SNX25: variants seen among roughly 807,000 people sequenced by gnomAD.
SNX25 encodes the protein sorting nexin 25, also known as sorting nexin-25.
Under a neutral mutation model 113.7 loss-of-function variants are expected in SNX25, and 62 were observed. That is an observed-to-expected ratio of 0.55 (90% CI 0.44 to 0.67). The LOEUF (loss-of-function observed/expected upper bound fraction) is 0.67. SNX25 is among the 30% of genes least tolerant of loss of function. The probability of loss-of-function intolerance (pLI) is 0.00; values close to 1 mark genes in which losing one functional copy is unlikely to be tolerated. For synonymous variants in SNX25, 421 were observed against 436.2 expected (o/e 0.97, Z 0.43); for missense variants, 1,014 against 1,161.0 (o/e 0.87, Z 1.84).
At chr4:185,321,511 C>T (rs765168119) in intron 8 of SNX25, among the ~76,000 whole-genome samples, 4 of 152,078 alleles carry the variant, frequency 2.6e-5, no homozygotes, top group Non-Finnish European at 5.9e-5. Flanking sequence ...GATCTGTCCA[C>T]GTGGGCCTCC....
chr4:185,368,330 C>T (rs1228858972), downstream of SNX25, among the ~76,000 whole-genome samples: 4 of 152,274 alleles, frequency 2.6e-5, no homozygotes, highest in African/African-American at 4.8e-5. Flanking sequence ...GTGGCAGAGC[C>T]GAGAGCAGGC....
chr4:185,246,117 C>T (rs2126481884), intron 1 of SNX25, among the ~76,000 whole-genome samples: 1 of 152,234 alleles, frequency 6.6e-6, no homozygotes, highest in East Asian at 1.9e-4. Context: ...AAAAACCCAT[C>T]TCTACTAGAA....
chr4:185,329,664 C>T (rs1314419522), intron 9 of SNX25, among the ~76,000 whole-genome samples: 1 of 151,394 alleles, frequency 6.6e-6, no homozygotes, highest in Non-Finnish European at 1.5e-5. Flanking sequence ...ATTGGAGCCG[C>T]ATGAGGAAGA....
chr4:185,217,079 T>C (rs1212351533), intron 1 of SNX25, among the ~76,000 whole-genome samples: 1 of 152,164 alleles, frequency 6.6e-6, no homozygotes, highest in Non-Finnish European at 1.5e-5. Context: ...CCAGGAGTGA[T>C]AGCATCAGAG....
rs58762122 is a variant in SNX25 at position 185,300,840 on chromosome 4, G to GACACACACACACACACACACAC, written c.1163-9781_1163-9760dup. On this transcript the variant is annotated intron_variant, in intron 6 of 18. Transcript: ENST00000652585. ...ATGCCTGTGGTATTATGATTATTAT[G>GACACACACACACACACACACAC]ACACACACACACACACACACACACA... 3.2e-3 allele frequency among the ~76,000 whole-genome samples: 445 copies of GACACACACACACACACACACAC among 140,768 alleles called. 6 individuals carry two copies. Among genetic ancestry groups the GACACACACACACACACACACAC allele is most frequent in the Admixed American group, 0.015 (203 of 13,762 alleles). 92.3% of individuals were successfully genotyped at this position (140,768 alleles called of 152,430 possible).
intron 13 of SNX25, among the ~76,000 whole-genome samples, chr4:185,349,631 A>G (rs1018644978): frequency 1.3e-5 from 2 of 151,368 alleles, no homozygotes; most frequent in African/African-American, 2.4e-5. Context: ...ATATTTCCCT[A>G]TTCATGAGGT....
intron 6 of SNX25, among the ~76,000 whole-genome samples, chr4:185,298,518 A>G (rs1725720169): frequency 1.3e-5 from 2 of 152,074 alleles, no homozygotes; most frequent in Middle Eastern, 3.2e-3. Context: ...TTTGTATTTA[A>G]AACTCATCAT....
At chr4:185,249,584 T>G (rs906038841) in intron 2 of SNX25, among the ~76,000 whole-genome samples, 29 of 152,142 alleles carry the variant, frequency 1.9e-4, no homozygotes, top group African/African-American at 4.8e-5. Flanking sequence ...TATCTTTGAG[T>G]GGATGTTTTC....
intron 1 of SNX25, among the ~76,000 whole-genome samples, chr4:185,215,624 A>G (rs1560893637): frequency 6.6e-6 from 1 of 152,162 alleles, no homozygotes; most frequent in African/African-American, 2.4e-5. Context: ...CAGTCATTTG[A>G]TAATGGATAA....
chr4:185,360,430 A>G (rs1422503819), intron 16 of SNX25, among the ~76,000 whole-genome samples: 3 of 152,212 alleles, frequency 2.0e-5, no homozygotes, highest in African/African-American at 7.2e-5. Flanking sequence ...TTGTCCATTT[A>G]AAATTCTGGT....
At chr4:185,358,916 A>G (rs1036123740) in intron 16 of SNX25, among the ~76,000 whole-genome samples, 3 of 152,242 alleles carry the variant, frequency 2.0e-5, no homozygotes, top group African/African-American at 7.2e-5. Flanking sequence ...CAAGATTAGT[A>G]TAATAGTTTT....
intron 6 of SNX25, among the ~76,000 whole-genome samples, chr4:185,293,837 T>C (rs960695148): frequency 1.3e-5 from 2 of 152,122 alleles, no homozygotes; most frequent in Non-Finnish European, 1.5e-5. Flanking sequence ...ATTGCAGCAC[T>C]AACAGAGTTA....
chr4:185,322,991 T>C (rs139096817), intron 8 of SNX25, among the ~76,000 whole-genome samples: 1 of 152,330 alleles, frequency 6.6e-6, no homozygotes, highest in East Asian at 1.9e-4. Context: ...TTTGCATTTC[T>C]GAAGTAGGCT....
chr4:185,258,822 C>G, intron 2 of SNX25, 26 bp from the exon 3 acceptor site: 1 of 1,572,924 alleles, frequency 6.4e-7, no homozygotes, highest in Non-Finnish European at 8.7e-7. Flanking sequence ...ATTTGTTTTA[C>G]TCATTGCTTT....
chr4:185,297,190 C>A (rs1752955399), intron 6 of SNX25, among the ~76,000 whole-genome samples: 1 of 152,190 alleles, frequency 6.6e-6, no homozygotes, highest in Non-Finnish European at 1.5e-5. Flanking sequence ...CTACATGTTA[C>A]TATTTAAATT....
chr4:185,208,737 AAAAG>A (rs141395764), upstream of SNX25, among the ~76,000 whole-genome samples: 16,409 of 151,980 alleles, frequency 0.11, 955 homozygotes, highest in Non-Finnish European at 0.14. Context: ...AAAAAAGAAA[AAAAG>A]AAAGAAAGAA....
At chr4:185,225,088 CA>C (rs1418571679) in intron 1 of SNX25, among the ~76,000 whole-genome samples, 2 of 150,812 alleles carry the variant, frequency 1.3e-5, no homozygotes, top group African/African-American at 4.9e-5. Flanking sequence ...CACAATCACC[CA>C]GTAGTTAGAT....
intron 6 of SNX25, among the ~76,000 whole-genome samples, chr4:185,298,928 A>AT (rs1286883408): frequency 2.0e-5 from 3 of 152,188 alleles, no homozygotes; most frequent in African/African-American, 7.2e-5. Context: ...ATCCACCAGA[A>AT]GTGGGTTTTC....
chr4:185,208,269 G>T (rs574485549), upstream of SNX25, among the ~76,000 whole-genome samples: 1 of 152,070 alleles, frequency 6.6e-6, no homozygotes, highest in South Asian at 2.1e-4. Context: ...GCCCGCCTCA[G>T]CCTCCGAAAG....
Sources: allele counts gnomAD v4.1 joint callset (sites outside exome capture counted in the v4.1 genomes callset), GRCh38; gene constraint gnomAD v4.1.1; transcripts MANE v1.5; gene names NCBI Gene and HGNC (gene_info 2026-07-23, HGNC 2026-07-21).